NCALD: variants seen among roughly 807,000 people sequenced by gnomAD.
The protein encoded by NCALD is neurocalcin-delta.
A neutral mutation model predicts 18.6 loss-of-function variants in NCALD; 10 were observed. The ratio of observed to expected loss-of-function variants is 0.54; its 90% CI spans 0.33 to 0.91. The LOEUF (loss-of-function observed/expected upper bound fraction) is 0.91. Ranked by LOEUF, NCALD falls within the 40% of genes least tolerant of loss-of-function variation. NCALD has a pLI of 0.03. For synonymous variants in NCALD, 88 were observed against 87.4 expected, an observed-to-expected ratio of 1.01 and a Z score of -0.04; for missense variants, 184 against 247.6, an observed-to-expected ratio of 0.74 and a Z score of 1.72.
intron 4 of NCALD, among the ~76,000 whole-genome samples, chr8:101,848,152 A>G (rs373104642): frequency 5.9e-5 from 9 of 152,124 alleles, no homozygotes; most frequent in East Asian, 3.9e-4. Context: ...GGAAAGCATC[A>G]TAAGAAAAAT....
At chr8:101,848,559 C>A (rs894929540) in intron 4 of NCALD, among the ~76,000 whole-genome samples, 1 of 152,094 alleles carries the variant, frequency 6.6e-6, no homozygotes, top group Non-Finnish European at 1.5e-5. Context: ...GGTCATGATT[C>A]CCATAATCTA....
chr8:101,898,979 T>A (rs1255346691), intron 3 of NCALD, among the ~76,000 whole-genome samples: 1 of 152,122 alleles, frequency 6.6e-6, no homozygotes, highest in Non-Finnish European at 1.5e-5. Context: ...TGGGGAGAAC[T>A]GACATCTTTA....
At position 101,687,724 on chromosome 8, in the gene NCALD, A is replaced by G. The variant is rs1241000501; in HGVS notation, c.*1585T>C. 1 of 152,168 alleles carries G rather than the reference A, an allele frequency of 6.6e-6. No homozygotes were observed. Among genetic ancestry groups the G allele is most frequent in the Non-Finnish European group, 1.5e-5 (1 of 68,032 alleles). The allele number at this position is 152,168 out of a possible 1,614,324, so 9.4% of individuals were successfully genotyped here. ...TCTCTTAGTGGCAAGTTCCCCATCA[A>G]CAACCTTGAGAATTTGGGCCTCCCT... On this transcript the variant is annotated 3_prime_UTR_variant, in exon 4 of 4. Transcript: ENST00000220931.
intron 1 of NCALD, among the ~76,000 whole-genome samples, chr8:102,046,587 C>T (rs1300198018): frequency 1.3e-5 from 2 of 152,156 alleles, no homozygotes; most frequent in South Asian, 2.1e-4. Context: ...TTGCTGCAAC[C>T]TCTGCCTCCC....
rs984836049 is a variant in NCALD, at chr8:102,044,124, A to G, written c.-209-23835T>C. On this transcript the variant is annotated intron_variant, in intron 1 of 6. Coordinates refer to the NCALD transcript ENST00000311028. ...ATTTTAAGCAGAATATGTTAAAACA[A>G]CACTTGAAACATTACTACATGTATT... 5.3e-5 allele frequency among the ~76,000 whole-genome samples: 8 copies of G among 151,970 alleles called. 2 individuals carry two copies. The highest frequency in any genetic ancestry group is 1.7e-4 in the African/African-American group (7 of 41,226).
intron 3 of NCALD, chr8:101,690,572 C>A (rs1814681982): frequency 1.0e-5 from 10 of 985,272 alleles, no homozygotes; most frequent in Admixed American, 6.1e-5. Flanking sequence ...CAGGAGGGGG[C>A]CTCCCCCAAC....
intron 2 of NCALD, among the ~76,000 whole-genome samples, chr8:101,977,480 C>T (rs1820466177): frequency 6.6e-6 from 1 of 152,128 alleles, no homozygotes; most frequent in South Asian, 2.1e-4. Context: ...ACTCAAATTG[C>T]TAAAAGGCAT....
intron 4 of NCALD, among the ~76,000 whole-genome samples, chr8:101,832,138 T>C (rs1034781115): frequency 6.6e-6 from 1 of 152,288 alleles, no homozygotes; most frequent in Non-Finnish European, 1.5e-5. Context: ...TGGTCTGGTG[T>C]GCATTTTAAC....
At chr8:101,967,308 A>G (rs1820066264) in intron 2 of NCALD, among the ~76,000 whole-genome samples, 1 of 152,198 alleles carries the variant, frequency 6.6e-6, no homozygotes, top group African/African-American at 2.4e-5. Context: ...AGCATCAAAT[A>G]ATTCAAAGGA....
At chr8:101,718,819 C>A (rs1368931326) in intron 2 of NCALD, among the ~76,000 whole-genome samples, 3 of 152,192 alleles carry the variant, frequency 2.0e-5, no homozygotes, top group Non-Finnish European at 2.9e-5. Flanking sequence ...AGCCCACCAG[C>A]ATTAACAGCA....
At chr8:101,695,381 G>A (rs1240827625) in intron 2 of NCALD, among the ~76,000 whole-genome samples, 1 of 152,130 alleles carries the variant, frequency 6.6e-6, no homozygotes, top group Non-Finnish European at 1.5e-5. Context: ...TTTGTCTCAC[G>A]TGGTCCTTCT....
intron 4 of NCALD, among the ~76,000 whole-genome samples, chr8:101,812,964 G>GA (rs1348615815): frequency 4.0e-5 from 6 of 151,800 alleles, no homozygotes; most frequent in South Asian, 2.1e-4. Flanking sequence ...CCTGAAAATG[G>GA]AAAAAAAACT....
intron 2 of NCALD, among the ~76,000 whole-genome samples, chr8:101,974,584 T>C (rs1001840921): frequency 1.2e-4 from 19 of 152,232 alleles, no homozygotes; most frequent in Admixed American, 6.5e-5. Context: ...GGATCCTGCC[T>C]GCTGAAGCCG....
chr8:101,845,397 T>C lies in NCALD; in HGVS notation c.-20+41744A>G, dbSNP rs1482015072. 2.0e-5 allele frequency among the ~76,000 whole-genome samples: 3 copies of C among 152,196 alleles called. No individual in the cohort carries two copies. In the South Asian group the frequency reaches 6.2e-4, roughly 32 times the overall value. On this transcript the variant is annotated intron_variant, in intron 4 of 6. Coordinates refer to the NCALD transcript ENST00000311028. Reference sequence around the variant, plus strand: ...GTGTGCACTTTTTATTATACTTAATTGTACTGAGTTCATTATGGGTTACTT... The same window carrying C: ...GTGTGCACTTTTTATTATACTTAATCGTACTGAGTTCATTATGGGTTACTT...
At chr8:101,961,962 T>C (rs774608190) in intron 2 of NCALD, among the ~76,000 whole-genome samples, 9 of 152,180 alleles carry the variant, frequency 5.9e-5, no homozygotes, top group Non-Finnish European at 1.2e-4. Context: ...CACTCAGATA[T>C]ATTTAGTGAA....
chr8:102,087,640 G>C (rs974517208), intron 1 of NCALD, among the ~76,000 whole-genome samples: 1 of 152,156 alleles, frequency 6.6e-6, no homozygotes. Flanking sequence ...TGGCACTATG[G>C]GATGTTAACT....
Position 101,861,262 on chromosome 8 carries a change from C to T in NCALD, c.-20+25879G>A, listed in dbSNP as rs190648361. Among the ~76,000 whole-genome samples, 34 of 152,104 alleles carry T rather than the reference C, an allele frequency of 2.2e-4. No homozygotes were observed. The East Asian group carries it at 6.0e-3, about 27-fold the overall frequency. ...CTTTGTTCCTCTTGATTTGGGTTGT[C>T]GGTGGAGCTGAAGGGGAGGAAACTG... On this transcript the variant is annotated intron_variant, in intron 4 of 6. Transcript: ENST00000311028.
chr8:101,964,187 G>C (rs1468735321), intron 2 of NCALD, among the ~76,000 whole-genome samples: 1 of 152,034 alleles, frequency 6.6e-6, no homozygotes, highest in Non-Finnish European at 1.5e-5. Flanking sequence ...CCTATGAATA[G>C]AAGGACAGAA....
chr8:101,840,869 G>A (rs750142371), intron 4 of NCALD, among the ~76,000 whole-genome samples: 1 of 152,052 alleles, frequency 6.6e-6, no homozygotes, highest in African/African-American at 2.4e-5. Flanking sequence ...TCATTGATTC[G>A]AATACTTGAA....
Sources: allele counts gnomAD v4.1 joint callset (sites outside exome capture counted in the v4.1 genomes callset), GRCh38; gene constraint gnomAD v4.1.1; transcripts MANE v1.5; gene names NCBI Gene and HGNC (gene_info 2026-07-23, HGNC 2026-07-21).